Variants in KIAA1671 observed in about 807,000 individuals in gnomAD.
KIAA1671 encodes the protein uncharacterized protein KIAA1671.
In KIAA1671, 52 loss-of-function variants were observed where a neutral mutation model predicts 131.2. The ratio of observed to expected loss-of-function variants is 0.40; its 90% CI spans 0.32 to 0.50. KIAA1671 has a LOEUF of 0.50. KIAA1671 is among the 20% of genes least tolerant of loss of function. KIAA1671 has a pLI of 0.73. For synonymous variants in KIAA1671, 1,003 were observed against 961.6 expected (o/e 1.04, Z -0.80); for missense variants, 2,360 against 2,364.2 (o/e 1.00, Z 0.04).
At position 24,988,892 on chromosome 22, in the gene KIAA1671, T is replaced by G. The variant is rs758169316; in HGVS notation, c.-208+36120T>G. ...CAGTGTCCATCTGGGTTTGGTATCTTCCCCATCTCACAGTTGGAAAAACTG... is the reference window on the plus strand; with the variant it reads ...CAGTGTCCATCTGGGTTTGGTATCTGCCCCATCTCACAGTTGGAAAAACTG... On this transcript the variant is annotated intron_variant, in intron 1 of 12. Coordinates refer to ENST00000358431, the MANE Select transcript of KIAA1671 (RefSeq NM_001145206.2). 1.5e-4 allele frequency among the ~76,000 whole-genome samples: 23 copies of G among 152,194 alleles called. 1 individual carries two copies. Among genetic ancestry groups the G allele is most frequent in the South Asian group, 4.2e-4 (2 of 4,816 alleles).
intron 6 of KIAA1671, among the ~76,000 whole-genome samples, chr22:25,091,833 G>A (rs897935658): frequency 6.6e-6 from 1 of 152,156 alleles, no homozygotes. Context: ...AGGATTTATT[G>A]AGCATCTCCT....
chr22:25,179,487 C>A, intron 9 of KIAA1671: 2 of 1,612,774 alleles, frequency 1.2e-6, no homozygotes, highest in Non-Finnish European at 1.7e-6. Context: ...TCCTCCAGCG[C>A]CTTGTGCAGC....
rs969718248 is a variant in KIAA1671, at chr22:25,082,266, C to T, written c.4530+32902C>T. 2.0e-5 allele frequency among the ~76,000 whole-genome samples: 3 copies of T among 152,148 alleles called. 1 individual carries two copies. Among genetic ancestry groups the T allele is most frequent in the Admixed American group, 6.5e-5 (1 of 15,278 alleles). On this transcript the variant is annotated intron_variant, in intron 6 of 12. Transcript: ENST00000358431. The stretch of plus-strand genomic sequence containing the variant: ...ATGCATTAACTTATCTCATAGTTGG[C>T]TTGCCGTGCACGTGTATTGAGTGCC...
chr22:24,988,753 A>G (rs1428957226), intron 1 of KIAA1671, among the ~76,000 whole-genome samples: 2 of 151,722 alleles, frequency 1.3e-5, no homozygotes, highest in African/African-American at 4.8e-5. Context: ...AAAAAAAAAA[A>G]AATGGGTTTG....
rs1401955909 is a variant in KIAA1671 at position 25,177,530 on chromosome 22, A to G, written c.5074+8A>G. 2 of 1,546,750 alleles carry G rather than the reference A, an allele frequency of 1.3e-6. No individual in the cohort carries two copies. Among genetic ancestry groups the G allele is most frequent in the Non-Finnish European group, 8.7e-7 (1 of 1,142,900 alleles). On this transcript the variant is annotated splice_region_variant and intron_variant, in intron 9 of 12. Transcript: ENST00000358431. ...TGTTCAAAGACTCAACGGGTATGCCATGACTTCTCTCCTCCTCAGATAGCA... is the reference window on the plus strand; with the variant it reads ...TGTTCAAAGACTCAACGGGTATGCCGTGACTTCTCTCCTCCTCAGATAGCA...
chr22:25,113,814 C>T (rs1264817230), intron 6 of KIAA1671, among the ~76,000 whole-genome samples: 1 of 152,214 alleles, frequency 6.6e-6, no homozygotes, highest in Non-Finnish European at 1.5e-5. Context: ...TGTGACTTGC[C>T]ACAGGGAAAG....
At position 25,038,871 on chromosome 22, in the gene KIAA1671, GACC is replaced by G; in HGVS notation, c.1742_1744del (p.Asp581_Pro582delinsAla). 1.3e-6 allele frequency: 2 copies of G among 1,551,752 alleles called. No homozygotes were observed. The highest frequency in any genetic ancestry group is 2.4e-5 in the South Asian group (2 of 84,044). ...GGAGCAGAAGGTTAGCTCTAACCAA[GACC>G]CCGACAGCTGTCGCGGTGGAAGCTC... On this transcript the variant is annotated inframe_deletion, in exon 5 of 13. Coordinates refer to ENST00000358431, the MANE Select transcript of KIAA1671 (RefSeq NM_001145206.2).
At chr22:24,981,300 C>A (rs1372438254) in intron 1 of KIAA1671, among the ~76,000 whole-genome samples, 1 of 152,024 alleles carries the variant, frequency 6.6e-6, no homozygotes, top group African/African-American at 2.4e-5. Flanking sequence ...GAGGATGTAC[C>A]CTGGTGCCCC....
At position 25,039,107 on chromosome 22, in the gene KIAA1671, C is replaced by T; in HGVS notation, c.1977C>T (p.Gly659=). The T allele has an allele frequency of 6.4e-7, 1 of 1,551,510 alleles. No homozygotes were observed. Among genetic ancestry groups the T allele is most frequent in the Non-Finnish European group, 8.7e-7 (1 of 1,147,010 alleles). The change falls in exon 5 of 13, where the codon GGC becomes GGT. Residue 659 remains glycine, a synonymous_variant. Coordinates refer to ENST00000358431, the MANE Select transcript of KIAA1671 (RefSeq NM_001145206.2). ...GGCCTGAGATGGGCTCTTGGCTGGG[C>T]AGGGACCCACCAGACATGACAAAAC... The part of the protein sequence containing the change: ...RPRPEMGSWL[G]RDPPDMTKLK...
intron 1 of KIAA1671, chr22:25,013,991 T>G (rs972569135): frequency 3.3e-5 from 5 of 152,176 alleles, no homozygotes; most frequent in South Asian, 2.1e-4. Context: ...GTGTTTTCCT[T>G]ACGTGTGATT....
At chr22:24,989,454 T>C (rs914068014) in intron 1 of KIAA1671, among the ~76,000 whole-genome samples, 1 of 152,180 alleles carries the variant, frequency 6.6e-6, no homozygotes, top group East Asian at 1.9e-4. Flanking sequence ...TGACTTCTTA[T>C]AACCCTTGCT....
chr22:25,188,089 A>G (rs558851317), intron 11 of KIAA1671, among the ~76,000 whole-genome samples: 1 of 152,304 alleles, frequency 6.6e-6, no homozygotes, highest in African/African-American at 2.4e-5. Flanking sequence ...TCACAAGATC[A>G]GGAGATCAAG....
At chr22:25,129,153 C>T (rs377617285) in intron 6 of KIAA1671, among the ~76,000 whole-genome samples, 1 of 144,624 alleles carries the variant, frequency 6.9e-6, no homozygotes, top group Non-Finnish European at 1.5e-5. Context: ...AGGATGGTGG[C>T]GGCATGGTGG....
At chr22:24,968,679 A>G (rs1602032849) in intron 1 of KIAA1671, among the ~76,000 whole-genome samples, 1 of 152,092 alleles carries the variant, frequency 6.6e-6, no homozygotes, top group Non-Finnish European at 1.5e-5. Context: ...CACTGTGTGC[A>G]TGGAGCTGTC....
Position 25,084,240 on chromosome 22 carries a change from G to C in KIAA1671, c.4530+34876G>C, listed in dbSNP as rs372683968. ...GTCTGTAATCCCAGCACTTTGGGAG[G>C]CCGAGGCGGGCGGATCACCGAGGTT... On this transcript the variant is annotated intron_variant, in intron 6 of 12. Transcript: ENST00000358431. Among the ~76,000 whole-genome samples the C allele has an allele frequency of 5.9e-4, 90 of 152,234 alleles. No homozygotes were observed. The East Asian group carries it at 0.012, about 21-fold the overall frequency.
chr22:25,125,718 C>G (rs1310744094), intron 6 of KIAA1671, among the ~76,000 whole-genome samples: 1 of 152,228 alleles, frequency 6.6e-6, no homozygotes, highest in African/African-American at 2.4e-5. Context: ...ATGTTTCCAG[C>G]CATTGCCAAA....
At chr22:25,006,680 C>G (rs1014085979) in intron 1 of KIAA1671, among the ~76,000 whole-genome samples, 4 of 152,222 alleles carry the variant, frequency 2.6e-5, no homozygotes, top group Admixed American at 1.3e-4. Flanking sequence ...TGATGGTCAG[C>G]AAGAGTGTGT....
intron 6 of KIAA1671, among the ~76,000 whole-genome samples, chr22:25,087,600 C>A (rs1469662331): frequency 6.6e-6 from 1 of 152,102 alleles, no homozygotes; most frequent in East Asian, 1.9e-4. Flanking sequence ...ACCAACCAAC[C>A]AACCAAACAA....
intron 6 of KIAA1671, among the ~76,000 whole-genome samples, chr22:25,085,867 G>GAC (rs1254934144): frequency 6.6e-6 from 1 of 152,102 alleles, no homozygotes; most frequent in Non-Finnish European, 1.5e-5. Flanking sequence ...CTGTGTCCCT[G>GAC]ACACATAGTA....
Sources: gnomAD v4.1 joint callset for allele counts (sites outside exome capture counted in the v4.1 genomes callset) on GRCh38, gnomAD v4.1.1 for gene constraint, MANE v1.5 for transcripts, NCBI Gene and HGNC (gene_info 2026-07-23, HGNC 2026-07-21) for gene names.